LCORL: variants seen among roughly 807,000 people sequenced by gnomAD.
The protein encoded by LCORL is ligand dependent nuclear receptor corepressor like.
LCORL carries 41 observed loss-of-function variants against 141.8 expected under a neutral mutation model. The ratio of observed to expected loss-of-function variants is 0.29; its 90% CI spans 0.23 to 0.38. The LOEUF (loss-of-function observed/expected upper bound fraction) is 0.38, where lower values mean the gene tolerates loss of function less well. LCORL is among the 10% of genes least tolerant of loss of function. The probability of loss-of-function intolerance (pLI) is 1.00; values close to 1 mark genes in which losing one functional copy is unlikely to be tolerated. For missense variants in LCORL, 1,759 were observed against 2,035.0 expected (o/e 0.86, Z 2.61); for synonymous variants, 618 against 694.1 (o/e 0.89, Z 1.72).
intron 1 of LCORL, among the ~76,000 whole-genome samples, chr4:17,984,327 A>C (rs1396500426): frequency 6.6e-6 from 1 of 152,150 alleles, no homozygotes; most frequent in Non-Finnish European, 1.5e-5. Context: ...TTTTTGGAAG[A>C]GTTTCAGTAG....
intron 1 of LCORL, among the ~76,000 whole-genome samples, chr4:17,979,811 A>G (rs1294220211): frequency 2.6e-5 from 4 of 152,202 alleles, no homozygotes; most frequent in African/African-American, 4.8e-5. Context: ...CTGCAGATGG[A>G]ATTAAGGTTG....
At chr4:17,938,991 C>A (rs1737360439) in intron 4 of LCORL, among the ~76,000 whole-genome samples, 1 of 152,168 alleles carries the variant, frequency 6.6e-6, no homozygotes, top group Non-Finnish European at 1.5e-5. Context: ...GCACTTCAAC[C>A]AGGCTAAAGC....
intron 1 of LCORL, among the ~76,000 whole-genome samples, chr4:17,997,530 AGAT>A (rs1469031483): frequency 6.6e-6 from 1 of 152,232 alleles, no homozygotes; most frequent in East Asian, 1.9e-4. Context: ...ATAATAAGAA[AGAT>A]GACTAATACA....
chr4:18,006,663 A>G (rs748283219), intron 1 of LCORL, among the ~76,000 whole-genome samples: 1 of 152,126 alleles, frequency 6.6e-6, no homozygotes, highest in Non-Finnish European at 1.5e-5. Context: ...TTGTGCAGGG[A>G]AAGTCCCCTT....
At chr4:17,848,114 T>G (rs893478773) in intron 7 of LCORL, among the ~76,000 whole-genome samples, 4 of 152,204 alleles carry the variant, frequency 2.6e-5, no homozygotes, top group Admixed American at 6.5e-5. Flanking sequence ...AGTATAAATT[T>G]GGGTACACAG....
At chr4:17,976,485 C>T (rs752295172) in intron 1 of LCORL, among the ~76,000 whole-genome samples, 1 of 152,082 alleles carries the variant, frequency 6.6e-6, no homozygotes, top group Non-Finnish European at 1.5e-5. Context: ...TCACCATCTA[C>T]TTTAAAACAT....
At position 18,021,586 on chromosome 4, in the gene LCORL, C is replaced by T. The variant is rs1725595761; in HGVS notation, c.154+12G>A. ...GCGCGGAGCCCGGGGCCCCGGCCCG[C>T]GTCTCTCTTACCTACACAGTGCATG... On this transcript the variant is annotated intron_variant, in intron 1 of 7. Coordinates refer to ENST00000635767, the Ensembl canonical transcript of LCORL. The surrounding 1 kb of genome is among the most constrained non-coding windows in gnomAD (Gnocchi z 5.5). 1.3e-6 allele frequency: 2 copies of T among 1,517,114 alleles called. No homozygotes were observed. Among genetic ancestry groups the T allele is most frequent in the Admixed American group, 2.2e-5 (1 of 46,446 alleles). The allele number at this position is 1,517,114 out of a possible 1,614,324, so 94.0% of individuals were successfully genotyped here. A position where few individuals can be genotyped will look rare whatever the true frequency, so the allele number is the denominator to read the frequency against.
intron 7 of LCORL, among the ~76,000 whole-genome samples, chr4:17,872,644 G>C (rs903326248): frequency 1.3e-5 from 2 of 152,012 alleles, no homozygotes; most frequent in African/African-American, 4.8e-5. Context: ...ATTCTGGTTT[G>C]CATTTTGAAT....
intron 5 of LCORL, chr4:17,893,659 A>G (rs775718377): frequency 3.3e-6 from 3 of 897,528 alleles, no homozygotes; most frequent in Non-Finnish European, 4.0e-6. Context: ...ACAGTAGGTA[A>G]AGCTATCTTC....
exon 7 of LCORL, chr4:17,875,213 A>C: frequency 8.1e-7 from 1 of 1,231,746 alleles, no homozygotes; most frequent in Non-Finnish European, 1.0e-6. Flanking sequence ...TAATAGTCAC[A>C]GATATGCCAG....
chr4:17,957,140 G>A lies in LCORL; in HGVS notation c.430+4763C>T, dbSNP rs116604798. ...ATGTATCAGCTACATAGAATTTGAA[G>A]TCAACATGAGCTATGATGGGAATAG... On this transcript the variant is annotated intron_variant, in intron 4 of 7. Coordinates refer to ENST00000635767, the Ensembl canonical transcript of LCORL. 2.6e-3 allele frequency among the ~76,000 whole-genome samples: 398 copies of A among 151,954 alleles called. 2 individuals are homozygous for A. The highest frequency in any genetic ancestry group is 9.2e-3 in the African/African-American group (382 of 41,482).
chr4:17,870,097 T>G (rs139347467), intron 7 of LCORL, among the ~76,000 whole-genome samples: 160 of 152,262 alleles, frequency 1.1e-3, no homozygotes, highest in African/African-American at 3.7e-3. Context: ...GATCCATGAT[T>G]CCTATTTTAT....
chr4:18,013,576 G>C (rs1724138920), intron 1 of LCORL, among the ~76,000 whole-genome samples: 1 of 152,150 alleles, frequency 6.6e-6, no homozygotes, highest in Non-Finnish European at 1.5e-5. Flanking sequence ...TACAATGATA[G>C]GGGCTAAGAA....
intron 4 of LCORL, among the ~76,000 whole-genome samples, chr4:17,958,559 T>G (rs767334409): frequency 1.3e-5 from 2 of 152,002 alleles, no homozygotes; most frequent in Non-Finnish European, 2.9e-5. Flanking sequence ...TTTATATCTA[T>G]ATGCCTATGT....
intron 7 of LCORL, among the ~76,000 whole-genome samples, chr4:17,869,589 C>A (rs1385277512): frequency 6.6e-6 from 1 of 152,086 alleles, no homozygotes; most frequent in East Asian, 1.9e-4. Context: ...TTGTATACAT[C>A]CTTCCTTTTT....
chr4:17,998,985 A>AAAAAAAAATATAT (rs1374815646), intron 1 of LCORL, among the ~76,000 whole-genome samples: 12 of 57,884 alleles, frequency 2.1e-4, no homozygotes, highest in East Asian at 8.9e-4. Context: ...AAAAAAAAAA[A>AAAAAAAAATATAT]ATATATATAT....
At chr4:17,911,982 G>T in intron 4 of LCORL, 1 of 628,318 alleles carries the variant, frequency 1.6e-6, no homozygotes, top group South Asian at 1.4e-5. Context: ...CCTCCTACCT[G>T]GACAGAGTGA....
At chr4:17,907,752 A>T (rs1731872304) in intron 5 of LCORL, among the ~76,000 whole-genome samples, 1 of 152,122 alleles carries the variant, frequency 6.6e-6, no homozygotes, top group Non-Finnish European at 1.5e-5. Flanking sequence ...TCAGTGTGTT[A>T]GTGTATTTTA....
At chr4:17,880,996 AACAAAT>A (rs1727491246) in intron 6 of LCORL, 3 of 983,206 alleles carry the variant, frequency 3.1e-6, no homozygotes, top group Non-Finnish European at 3.6e-6. Context: ...GCAATTAAAA[AACAAAT>A]ACAAGTATTT....
Sources: gnomAD v4.1 joint callset for allele counts (sites outside exome capture counted in the v4.1 genomes callset) on GRCh38, gnomAD v4.1.1 for gene constraint, Gnocchi (gnomAD v3.1) non-coding constraint, MANE v1.5 for transcripts, NCBI Gene and HGNC (gene_info 2026-07-23, HGNC 2026-07-21) for gene names.